Variants in SLC8A1 observed in about 807,000 individuals in gnomAD.
SLC8A1 encodes sodium/calcium exchanger 1.
SLC8A1 carries 18 observed loss-of-function variants against 68.3 expected under a neutral mutation model. The observed-to-expected ratio is 0.26, with a 90% CI of 0.18 to 0.39. The LOEUF (loss-of-function observed/expected upper bound fraction) is 0.39, where lower values mean the gene tolerates loss of function less well. Among genes scored for constraint, SLC8A1 ranks in the 10% least tolerant of loss-of-function variants. The probability of loss-of-function intolerance (pLI) is 1.00; values close to 1 mark genes in which losing one functional copy is unlikely to be tolerated. For missense variants in SLC8A1, 985 were observed against 1,156.7 expected (o/e 0.85, Z 2.15); for synonymous variants, 475 against 415.5 (o/e 1.14, Z -1.74).
chr2:40,407,495 C>G (rs769668176), intron 2 of SLC8A1, among the ~76,000 whole-genome samples: 1 of 152,144 alleles, frequency 6.6e-6, no homozygotes, highest in Non-Finnish European at 1.5e-5. Context: ...GTCTTCCTGC[C>G]TTTTGCCTGT....
chr2:40,418,972 A>G (rs1277755939), intron 2 of SLC8A1, among the ~76,000 whole-genome samples: 1 of 152,222 alleles, frequency 6.6e-6, no homozygotes, highest in Non-Finnish European at 1.5e-5. Flanking sequence ...GAGCCCCATC[A>G]GGTGGCACTG....
At chr2:40,129,707 A>G (rs1190206414) in intron 7 of SLC8A1, among the ~76,000 whole-genome samples, 1 of 152,234 alleles carries the variant, frequency 6.6e-6, no homozygotes, top group African/African-American at 2.4e-5. Context: ...ACTCATTCAC[A>G]TAACACATGC....
intron 2 of SLC8A1, among the ~76,000 whole-genome samples, chr2:40,210,905 A>T (rs921332731): frequency 6.6e-6 from 1 of 152,224 alleles, no homozygotes; most frequent in African/African-American, 2.4e-5. Context: ...GGTATCATTA[A>T]CATCATAAGG....
intron 3 of SLC8A1, among the ~76,000 whole-genome samples, 178 bp downstream of exon 4, chr2:40,175,083 C>T (rs2048230843): frequency 6.6e-6 from 1 of 151,988 alleles, no homozygotes; most frequent in African/African-American, 2.4e-5. Flanking sequence ...AAAGGTTGTA[C>T]TAAATTAAAA....
intron 2 of SLC8A1, among the ~76,000 whole-genome samples, chr2:40,183,251 G>A (rs367567584): frequency 3.9e-5 from 6 of 152,118 alleles, no homozygotes; most frequent in Non-Finnish European, 8.8e-5. Context: ...TAGCCACTAG[G>A]TCCCTTATTC....
chr2:40,231,637 C>T (rs554924663), intron 2 of SLC8A1, among the ~76,000 whole-genome samples: 18 of 152,250 alleles, frequency 1.2e-4, no homozygotes, highest in African/African-American at 4.1e-4. Context: ...TCCCCTCACA[C>T]TGATCTCCTC....
chr2:40,389,532 T>C (rs1379870700), intron 2 of SLC8A1, among the ~76,000 whole-genome samples: 1 of 152,008 alleles, frequency 6.6e-6, no homozygotes, highest in African/African-American at 2.4e-5. Context: ...CAAAAATCAT[T>C]GTGTCAGTTA....
intron 2 of SLC8A1, among the ~76,000 whole-genome samples, chr2:40,349,006 G>A (rs1179930651): frequency 6.6e-6 from 1 of 152,144 alleles, no homozygotes; most frequent in African/African-American, 2.4e-5. Flanking sequence ...TGAGGAATGT[G>A]GCTCTTCTTC....
chr2:40,474,744 A>G (rs1276940623), intron 1 of SLC8A1, among the ~76,000 whole-genome samples: 1 of 152,218 alleles, frequency 6.6e-6, no homozygotes, highest in African/African-American at 2.4e-5. Flanking sequence ...GTACAGAAAT[A>G]TTGAGTAAAT....
chr2:40,252,833 TG>T (rs2063018006), intron 2 of SLC8A1, among the ~76,000 whole-genome samples: 1 of 113,520 alleles, frequency 8.8e-6, no homozygotes, highest in African/African-American at 3.9e-5. Flanking sequence ...TGTATATACA[TG>T]TGTATACATA....
chr2:40,267,575 G>A (rs1160312686), intron 2 of SLC8A1, among the ~76,000 whole-genome samples: 1 of 152,140 alleles, frequency 6.6e-6, no homozygotes, highest in African/African-American at 2.4e-5. Context: ...TGTATTGACT[G>A]TCTATCCCAG....
intron 6 of SLC8A1, among the ~76,000 whole-genome samples, chr2:40,150,325 CTT>C (rs2043186576): frequency 6.6e-6 from 1 of 152,204 alleles, no homozygotes; most frequent in African/African-American, 2.4e-5. Context: ...CTGCCAGTCA[CTT>C]TTATGTGGCT....
intron 2 of SLC8A1, among the ~76,000 whole-genome samples, chr2:40,207,935 G>T (rs899366856): frequency 3.3e-5 from 5 of 152,080 alleles, no homozygotes; most frequent in Non-Finnish European, 5.9e-5. Flanking sequence ...GTATGCTGCA[G>T]CTCTGGGAAG....
At chr2:40,337,707 T>G (rs1228115511) in intron 2 of SLC8A1, among the ~76,000 whole-genome samples, 1 of 152,180 alleles carries the variant, frequency 6.6e-6, no homozygotes, top group Non-Finnish European at 1.5e-5. Context: ...TATTCCTACT[T>G]ATGTCCCTAG....
intron 2 of SLC8A1, among the ~76,000 whole-genome samples, chr2:40,400,335 C>T (rs991938): frequency 0.079 from 11,956 of 151,916 alleles, 1,347 homozygotes; most frequent in African/African-American, 0.26. Context: ...ATCCTAGAAC[C>T]GAAAGATGAG....
chr2:40,265,435 C>G (rs1214318083), intron 2 of SLC8A1, among the ~76,000 whole-genome samples: 1 of 152,102 alleles, frequency 6.6e-6, no homozygotes, highest in Non-Finnish European at 1.5e-5. Flanking sequence ...TTTTCTGTTG[C>G]TCTTTGACTT....
At chr2:40,383,091 C>T (rs1472148126) in intron 2 of SLC8A1, among the ~76,000 whole-genome samples, 2 of 152,006 alleles carry the variant, frequency 1.3e-5, no homozygotes, top group East Asian at 3.9e-4. Context: ...ATTATCCCTG[C>T]TTTGATTTTG....
intron 2 of SLC8A1, among the ~76,000 whole-genome samples, chr2:40,180,599 C>T (rs2049322177): frequency 6.6e-6 from 1 of 152,186 alleles, no homozygotes; most frequent in Admixed American, 6.5e-5. Flanking sequence ...CACTTGATGG[C>T]CCAACATCCA....
intron 2 of SLC8A1, among the ~76,000 whole-genome samples, chr2:40,326,385 T>C (rs77132023): frequency 4.6e-5 from 7 of 152,016 alleles, no homozygotes; most frequent in African/African-American, 1.7e-4. Flanking sequence ...TCAAAAATAG[T>C]CATAGCTTTT....
Sources: allele counts gnomAD v4.1 joint callset (sites outside exome capture counted in the v4.1 genomes callset), GRCh38; gene constraint gnomAD v4.1.1; transcripts MANE v1.5; gene names NCBI Gene and HGNC (gene_info 2026-07-23, HGNC 2026-07-21).